LPP: variants seen among roughly 807,000 people sequenced by gnomAD.
LPP encodes lipoma-preferred partner.
LPP carries 38 observed loss-of-function variants against 60.4 expected under a neutral mutation model. The ratio of observed to expected loss-of-function variants is 0.63; its 90% CI spans 0.49 to 0.83. The LOEUF (loss-of-function observed/expected upper bound fraction) is 0.83, where lower values mean the gene tolerates loss of function less well. Among genes scored for constraint, LPP ranks in the 40% least tolerant of loss-of-function variants. LPP has a pLI of 0.00. For synonymous variants in LPP, 328 were observed against 290.8 expected (o/e 1.13, Z -1.30); for missense variants, 902 against 783.6 (o/e 1.15, Z -1.80).
chr3:188,170,574 G>A (rs1278077066), intron 1 of LPP, among the ~76,000 whole-genome samples: 1 of 151,538 alleles, frequency 6.6e-6, no homozygotes, highest in African/African-American at 2.4e-5. Context: ...CTTGTGATCT[G>A]CCCGCCTCGA....
In LPP at chr3:188,458,775, C is replaced by A. The variant is rs1798320762; in HGVS notation, c.194-25817C>A. Among the ~76,000 whole-genome samples, 3 of 145,022 alleles carry A rather than the reference C, an allele frequency of 2.1e-5. No individual in the cohort carries two copies. The Admixed American group carries it at 2.1e-4, about 10-fold the overall frequency. On this transcript the variant is annotated intron_variant, in intron 4 of 11. Coordinates refer to ENST00000617246, the MANE Select transcript of LPP (RefSeq NM_001375462.1). ...TTGCAAGATGTTTATTGATCTTGTG[C>A]CTTTTGCATGAGTATGGGAATGGCT...
At chr3:188,573,277 A>G (rs1833906766) in intron 6 of LPP, among the ~76,000 whole-genome samples, 1 of 152,154 alleles carries the variant, frequency 6.6e-6, no homozygotes, top group African/African-American at 2.4e-5. Flanking sequence ...GTCTCAAACT[A>G]TAATGGATTT....
In LPP at chr3:188,341,647, C is replaced by A; in HGVS notation, c.-66-16C>A. ...GTCTGGAAGTAATTTTTACTTATTT[C>A]ATTTGTAAACACTAGCATTGCAGTT... On this transcript the variant is annotated splice_polypyrimidine_tract_variant and intron_variant, in intron 2 of 11. Coordinates refer to ENST00000617246, the MANE Select transcript of LPP (RefSeq NM_001375462.1). The A allele has an allele frequency of 2.1e-6, 2 of 972,474 alleles. No homozygotes were observed. The highest frequency in any genetic ancestry group is 9.5e-5 in the South Asian group (2 of 20,958). 60.2% of individuals were successfully genotyped at this position (972,474 alleles called of 1,614,324 possible).
At chr3:188,309,039 T>TTTGA (rs1752542905) in intron 2 of LPP, among the ~76,000 whole-genome samples, 1 of 90,588 alleles carries the variant, frequency 1.1e-5, no homozygotes, top group African/African-American at 4.3e-5. Context: ...TTTTTTTTTT[T>TTTGA]GATATGGAGT....
chr3:188,167,464 G>A (rs375014944), intron 1 of LPP, among the ~76,000 whole-genome samples: 3 of 151,600 alleles, frequency 2.0e-5, no homozygotes, highest in African/African-American at 7.3e-5. Context: ...TGCCACCACT[G>A]TACTCTAGCC....
intron 4 of LPP, among the ~76,000 whole-genome samples, chr3:188,433,401 T>C (rs1026221938): frequency 2.0e-5 from 3 of 152,118 alleles, no homozygotes; most frequent in African/African-American, 4.8e-5. Context: ...GTTGTCTGCA[T>C]GCCGTCTTTG....
At chr3:188,194,412 T>C (rs1489124155) in intron 1 of LPP, among the ~76,000 whole-genome samples, 1 of 152,206 alleles carries the variant, frequency 6.6e-6, no homozygotes, top group East Asian at 1.9e-4. Flanking sequence ...GGACACTTTC[T>C]GGGTCCTCTC....
rs548415585 is a variant in LPP at position 188,179,721 on chromosome 3, G to A, written c.-190+25469G>A. The stretch of plus-strand genomic sequence containing the variant: ...TGTGGCCTCTGGTTGTGAGAAATGG[G>A]CATCCTGAGTCAGTGAGAGCAGTAG... On this transcript the variant is annotated intron_variant, in intron 1 of 11. Coordinates refer to ENST00000617246, the MANE Select transcript of LPP (RefSeq NM_001375462.1). 1.1e-4 allele frequency: 37 copies of A among 349,184 alleles called. 1 individual carries two copies. The highest frequency in any genetic ancestry group is 1.0e-3 in the Middle Eastern group (1 of 988). The allele number at this position is 349,184 out of a possible 1,614,324, so 21.6% of individuals were successfully genotyped here.
At chr3:188,657,098 T>C (rs1349686689) in intron 7 of LPP, among the ~76,000 whole-genome samples, 2 of 151,738 alleles carry the variant, frequency 1.3e-5, no homozygotes, top group African/African-American at 4.9e-5. Context: ...AACATTTTGC[T>C]GGTCTTTAGG....
intron 1 of LPP, among the ~76,000 whole-genome samples, chr3:188,199,882 CTT>C (rs1342807011): frequency 6.6e-6 from 1 of 151,342 alleles, no homozygotes; most frequent in Non-Finnish European, 1.5e-5. Context: ...GCCCAGCTAA[CTT>C]TTGTATTTTT....
At chr3:188,686,627 T>C (rs1860792744) in intron 7 of LPP, among the ~76,000 whole-genome samples, 1 of 152,220 alleles carries the variant, frequency 6.6e-6, no homozygotes, top group South Asian at 2.1e-4. Flanking sequence ...CTGAATTAAT[T>C]GTTCTTGTGG....
intron 9 of LPP, among the ~76,000 whole-genome samples, chr3:188,822,172 T>G (rs924233502): frequency 9.9e-5 from 15 of 152,100 alleles, no homozygotes; most frequent in Non-Finnish European, 2.2e-4. Flanking sequence ...TGGGTCCACT[T>G]CCTCTTCTGA....
At chr3:188,608,019 C>A (rs1842864821) in intron 6 of LPP, among the ~76,000 whole-genome samples, 1 of 151,872 alleles carries the variant, frequency 6.6e-6, no homozygotes, top group Non-Finnish European at 1.5e-5. Context: ...GAGTGGTGTC[C>A]TAGGATGATG....
intron 6 of LPP, among the ~76,000 whole-genome samples, chr3:188,529,791 T>C (rs1821644597): frequency 6.6e-6 from 1 of 152,238 alleles, no homozygotes; most frequent in Non-Finnish European, 1.5e-5. Context: ...TCAACAGGTC[T>C]TTCCTTTAGA....
intron 4 of LPP, among the ~76,000 whole-genome samples, chr3:188,469,619 GGGA>G (rs1347298105): frequency 6.6e-6 from 1 of 152,024 alleles, no homozygotes; most frequent in Non-Finnish European, 1.5e-5. Context: ...AAACATTCTG[GGGA>G]GAACACAATA....
intron 9 of LPP, among the ~76,000 whole-genome samples, chr3:188,817,521 C>T (rs983954478): frequency 2.2e-4 from 33 of 152,180 alleles, no homozygotes; most frequent in African/African-American, 7.5e-4. Context: ...TGTTTCAATT[C>T]GTATGCCATG....
intron 5 of LPP, among the ~76,000 whole-genome samples, chr3:188,500,356 T>A (rs1272419696): frequency 6.6e-6 from 1 of 152,162 alleles, no homozygotes; most frequent in Non-Finnish European, 1.5e-5. Flanking sequence ...AAGATAACTT[T>A]TTTTCCATTC....
chr3:188,617,644 G>A (rs1845106970), intron 7 of LPP, among the ~76,000 whole-genome samples: 1 of 152,186 alleles, frequency 6.6e-6, no homozygotes, highest in South Asian at 2.1e-4. Context: ...GGATGTGCTG[G>A]TATACTAAGA....
chr3:188,361,135 G>A (rs980798282), intron 3 of LPP, among the ~76,000 whole-genome samples: 4 of 152,118 alleles, frequency 2.6e-5, no homozygotes, highest in African/African-American at 9.7e-5. Context: ...TAGGTTTCTG[G>A]AAATGATACT....
Sources: allele counts gnomAD v4.1 joint callset (sites outside exome capture counted in the v4.1 genomes callset), GRCh38; gene constraint gnomAD v4.1.1; transcripts MANE v1.5; gene names NCBI Gene and HGNC (gene_info 2026-07-23, HGNC 2026-07-21).